The following LRBA variants were observed in gnomAD, a reference collection of about 807,000 sequenced individuals.
The protein encoded by LRBA is LPS responsive beige-like anchor protein.
Under a neutral mutation model 330.0 loss-of-function variants are expected in LRBA, and 176 were observed. That is an observed-to-expected ratio of 0.53 (90% CI 0.47 to 0.60). The LOEUF (loss-of-function observed/expected upper bound fraction) is 0.60. Among genes scored for constraint, LRBA ranks in the 20% least tolerant of loss-of-function variants. The probability of loss-of-function intolerance (pLI) is 0.00; values close to 1 mark genes in which losing one functional copy is unlikely to be tolerated. For missense variants in LRBA, 3,259 were observed against 3,444.8 expected, an observed-to-expected ratio of 0.95 and a Z score of 1.35; for synonymous variants, 1,230 against 1,193.0, an observed-to-expected ratio of 1.03 and a Z score of -0.64.
chr4:150,608,759 C>A (rs1421945515), intron 37 of LRBA, among the ~76,000 whole-genome samples: 2 of 152,216 alleles, frequency 1.3e-5, no homozygotes, highest in East Asian at 3.8e-4. Context: ...CATTCCACAT[C>A]TTCCCTTCCT....
chr4:150,769,641 G>A (rs768451168), intron 34 of LRBA, among the ~76,000 whole-genome samples: 13 of 152,252 alleles, frequency 8.5e-5, no homozygotes, highest in East Asian at 1.9e-4. Context: ...TAACAGGGAG[G>A]GCAATCTTTT....
At chr4:150,527,122 T>C (rs1246859167) in intron 40 of LRBA, among the ~76,000 whole-genome samples, 1 of 152,182 alleles carries the variant, frequency 6.6e-6, no homozygotes, top group African/African-American at 2.4e-5. Context: ...TTGTATCCAC[T>C]ATTCTTGGAA....
intron 36 of LRBA, among the ~76,000 whole-genome samples, chr4:150,694,277 C>T (rs1001810425): frequency 4.6e-5 from 7 of 151,884 alleles, no homozygotes; most frequent in Non-Finnish European, 1.0e-4. Flanking sequence ...TTCTGCTAAA[C>T]ACGTTTAAGT....
At position 150,290,200 on chromosome 4, in the gene LRBA, A is replaced by G. The variant is rs530477352; in HGVS notation, c.8018-4166T>C. Among the ~76,000 whole-genome samples, 4 of 152,302 alleles carry G rather than the reference A, an allele frequency of 2.6e-5. No individual in the cohort carries two copies. In the East Asian group the frequency reaches 7.7e-4, roughly 29 times the overall value. On this transcript the variant is annotated intron_variant, in intron 53 of 56. Transcript: ENST00000651943. ...CTACTTGTCAGCCCACATAGTTAAT[A>G]CCCAGGGAGAAATAATCAGCTCAAA...
At chr4:150,865,441 T>C (rs1172938355) in intron 22 of LRBA, among the ~76,000 whole-genome samples, 1 of 152,240 alleles carries the variant, frequency 6.6e-6, no homozygotes, top group Non-Finnish European at 1.5e-5. Flanking sequence ...CACAATTTTA[T>C]TTAGATCTGA....
At chr4:150,589,763 A>T (rs952028181) in intron 39 of LRBA, among the ~76,000 whole-genome samples, 1 of 152,184 alleles carries the variant, frequency 6.6e-6, no homozygotes, top group Non-Finnish European at 1.5e-5. Context: ...TACTGTATGA[A>T]TGTATTACTA....
chr4:150,577,642 C>T (rs1770717957), intron 40 of LRBA, among the ~76,000 whole-genome samples: 5 of 151,786 alleles, frequency 3.3e-5, no homozygotes, highest in Admixed American at 3.3e-4. Flanking sequence ...AAAATATTTC[C>T]TGGAAAATAA....
chr4:150,369,481 G>A (rs1739945683), intron 47 of LRBA, among the ~76,000 whole-genome samples: 1 of 151,888 alleles, frequency 6.6e-6, no homozygotes, highest in Non-Finnish European at 1.5e-5. Context: ...GGCTCTAATG[G>A]TTCAACAACC....
chr4:150,831,885 G>C lies in LRBA; in HGVS notation c.4661C>G (p.Pro1554Arg), dbSNP rs1046877728. Residue 1554 changes from proline to arginine, a missense_variant, in exon 29 of 57, where the codon CCC becomes CGC. By Grantham distance (103) the Pro-to-Arg change is moderately radical. Transcript: ENST00000651943. ...TGACTGGCTATGCCTTTCATTTTGG[G>C]GTTCCAAAATGTCTCTGTACTTGGA... ...MVSKYRDILE[P>R]QNERHSQSCT... 1.2e-6 allele frequency: 2 copies of C among 1,603,084 alleles called. No homozygotes were observed. Among genetic ancestry groups the C allele is most frequent in the Non-Finnish European group, 1.7e-6 (2 of 1,173,988 alleles).
In LRBA at chr4:150,559,738, AAT is replaced by A. The variant is rs1308192739; in HGVS notation, c.6330+28308_6330+28309del. ...TTATAGATTATATAATATATAATAT[AAT>A]ATATAATATATATAACATTATAGAT... On this transcript the variant is annotated intron_variant, in intron 40 of 56. Coordinates refer to ENST00000651943, the MANE Select transcript of LRBA (RefSeq NM_001364905.1). 2.9e-4 allele frequency among the ~76,000 whole-genome samples: 26 copies of A among 88,766 alleles called. 1 individual carries two copies. The East Asian group carries it at 6.0e-3, about 20-fold the overall frequency. The allele number at this position is 88,766 out of a possible 152,430, so 58.2% of individuals were successfully genotyped here.
At chr4:150,515,030 C>T (rs535661826) in intron 40 of LRBA, among the ~76,000 whole-genome samples, 26 of 152,178 alleles carry the variant, frequency 1.7e-4, no homozygotes, top group African/African-American at 5.5e-4. Context: ...AAATAGGAAG[C>T]TCCATAATTC....
intron 32 of LRBA, among the ~76,000 whole-genome samples, chr4:150,807,608 G>C (rs538876694): frequency 2.5e-4 from 38 of 149,852 alleles, no homozygotes; most frequent in African/African-American, 9.1e-4. Context: ...TGGCTGACTG[G>C]CTATCACTTA....
intron 37 of LRBA, among the ~76,000 whole-genome samples, chr4:150,658,975 T>TC (rs1429016027): frequency 1.2e-5 from 1 of 85,802 alleles, no homozygotes; most frequent in African/African-American, 3.3e-5. Flanking sequence ...AACCTCGGCC[T>TC]CCCGAGGTGC....
At chr4:150,311,852 G>C (rs1343676767) in intron 51 of LRBA, among the ~76,000 whole-genome samples, 1 of 152,124 alleles carries the variant, frequency 6.6e-6, no homozygotes, top group African/African-American at 2.4e-5. Flanking sequence ...ACTACAGAGA[G>C]ACAGTGTCCA....
At chr4:150,552,269 C>T (rs1316142797) in intron 40 of LRBA, among the ~76,000 whole-genome samples, 1 of 152,104 alleles carries the variant, frequency 6.6e-6, no homozygotes, top group Non-Finnish European at 1.5e-5. Context: ...ATAGTCAAGT[C>T]AGAAAGTTAA....
At chr4:150,703,384 A>C (rs999262018) in intron 36 of LRBA, among the ~76,000 whole-genome samples, 1 of 152,214 alleles carries the variant, frequency 6.6e-6, no homozygotes, top group Non-Finnish European at 1.5e-5. Flanking sequence ...TGTTAGCTGG[A>C]TATGGAAATC....
intron 44 of LRBA, among the ~76,000 whole-genome samples, chr4:150,460,955 C>T (rs978457025): frequency 1.3e-5 from 2 of 151,634 alleles, no homozygotes; most frequent in African/African-American, 4.8e-5. Context: ...ACTAGCAGTC[C>T]ATGGCATATT....
At position 150,831,955 on chromosome 4, in the gene LRBA, A is replaced by G; in HGVS notation, c.4591T>C (p.Phe1531Leu). 1 of 1,532,344 alleles carries G rather than the reference A, an allele frequency of 6.5e-7. No homozygotes were observed. Among genetic ancestry groups the G allele is most frequent in the East Asian group, 2.3e-5 (1 of 42,610 alleles). The allele number at this position is 1,532,344 out of a possible 1,614,324, so 94.9% of individuals were successfully genotyped here. The change falls in exon 29 of 57, where the codon TTT (phenylalanine) becomes CTT (leucine). Residue 1531 changes from phenylalanine to leucine, a missense_variant. By Grantham distance (22) the Phe-to-Leu change is conservative. Transcript: ENST00000651943. ...RDIEDSKQAQ[F>L]LALAVVYFIS... ...AAGTATACTACTGCCAAGGCTAAAA[A>G]TTGAGCTTGTTTGCTATCCTCCTGG...
intron 28 of LRBA, among the ~76,000 whole-genome samples, chr4:150,833,131 T>TA (rs1398263031): frequency 1.5e-4 from 23 of 150,494 alleles, no homozygotes; most frequent in African/African-American, 4.6e-4. Context: ...TATCAAGATT[T>TA]AAAAAAAAAG....
Sources: allele counts gnomAD v4.1 joint callset (sites outside exome capture counted in the v4.1 genomes callset), GRCh38; gene constraint gnomAD v4.1.1; transcripts MANE v1.5; gene names NCBI Gene and HGNC (gene_info 2026-07-23, HGNC 2026-07-21).